The following NR6A1 variants were observed in gnomAD, a reference collection of about 807,000 sequenced individuals.
NR6A1 encodes nuclear receptor subfamily 6 group A member 1, also known as retinoic acid receptor-related testis-associated receptor.
In NR6A1, 7 loss-of-function variants were observed where a neutral mutation model predicts 59.1. The observed-to-expected ratio is 0.12, with a 90% CI of 0.07 to 0.22. The LOEUF (loss-of-function observed/expected upper bound fraction) is 0.22, where lower values mean the gene tolerates loss of function less well. Ranked by LOEUF, NR6A1 falls within the 10% of genes least tolerant of loss-of-function variation. NR6A1 has a pLI of 1.00. For missense variants in NR6A1, 468 were observed against 611.6 expected (o/e 0.77, Z 2.48); for synonymous variants, 243 against 236.1 (o/e 1.03, Z -0.27).
chr9:124,719,901 A>G (rs1839517757), intron 2 of NR6A1, among the ~76,000 whole-genome samples: 1 of 152,048 alleles, frequency 6.6e-6, no homozygotes, highest in South Asian at 2.1e-4. Flanking sequence ...AGCCTGGGTG[A>G]CAAAAGACCG....
At chr9:124,662,948 G>C (rs1426505153) in intron 2 of NR6A1, among the ~76,000 whole-genome samples, 3 of 152,128 alleles carry the variant, frequency 2.0e-5, no homozygotes, top group African/African-American at 7.2e-5. Context: ...TATCTGTTCA[G>C]GAAAACTTAA....
intron 2 of NR6A1, among the ~76,000 whole-genome samples, chr9:124,580,286 T>C (rs1050248877): frequency 2.0e-5 from 3 of 152,180 alleles, no homozygotes; most frequent in African/African-American, 7.2e-5. Context: ...TTCAAAAGAT[T>C]ACATACTCTA....
chr9:124,680,266 A>T (rs565116827), intron 2 of NR6A1, among the ~76,000 whole-genome samples: 1 of 152,220 alleles, frequency 6.6e-6, no homozygotes, highest in Non-Finnish European at 1.5e-5. Context: ...GGCATGCTGT[A>T]TAACTGCTCA....
intron 2 of NR6A1, among the ~76,000 whole-genome samples, chr9:124,626,314 C>T (rs1482448369): frequency 6.6e-6 from 1 of 152,310 alleles, no homozygotes; most frequent in East Asian, 1.9e-4. Context: ...CCATATCCTA[C>T]AGATTTTGGA....
At chr9:124,764,967 T>G (rs1840889371) in intron 1 of NR6A1, among the ~76,000 whole-genome samples, 1 of 152,184 alleles carries the variant, frequency 6.6e-6, no homozygotes, top group African/African-American at 2.4e-5. Context: ...AAGGCAAGAA[T>G]CAGTCCAGAA....
In NR6A1 at chr9:124,676,221, C is replaced by T. The variant is rs1837954696; in HGVS notation, c.142+57087G>A. ...AACAATAACTCTTTACTTCTCCTAC[C>T]CCAATAAGATAAATATATGTGATTA... On this transcript the variant is annotated intron_variant, in intron 2 of 9. Coordinates refer to ENST00000487099, the MANE Select transcript of NR6A1 (RefSeq NM_033334.4). 3.3e-5 allele frequency among the ~76,000 whole-genome samples: 5 copies of T among 152,146 alleles called. No individual in the cohort carries two copies. In the South Asian group the frequency reaches 1.0e-3, roughly 32 times the overall value.
chr9:124,771,287 C>T lies in NR6A1; in HGVS notation c.-168G>A, dbSNP rs1236581931. On this transcript the variant is annotated 5_prime_UTR_variant, in exon 1 of 10. Coordinates refer to ENST00000487099, the MANE Select transcript of NR6A1 (RefSeq NM_033334.4). ...CCCGGCTCCGCGCCGCTCCGCGCCC[C>T]TCCGCGCCGCGCCCCCTCAGCACTG... The T allele has an allele frequency of 5.1e-6, 2 of 391,624 alleles. No individual in the cohort carries two copies. The highest frequency in any genetic ancestry group is 4.5e-6 in the Non-Finnish European group (1 of 223,654). 24.3% of individuals were successfully genotyped at this position (391,624 alleles called of 1,614,324 possible). A position where few individuals can be genotyped will look rare whatever the true frequency, so the allele number is the denominator to read the frequency against.
Position 124,538,459 on chromosome 9 carries a change from T to C in NR6A1, c.597-140A>G. 14 of 630,872 alleles carry C rather than the reference T, an allele frequency of 2.2e-5. No individual in the cohort carries two copies. The South Asian group carries it at 2.8e-4, about 13-fold the overall frequency. 39.1% of individuals were successfully genotyped at this position (630,872 alleles called of 1,614,324 possible). The stretch of plus-strand genomic sequence containing the variant: ...TCAAGCCAGGGGGCATAATTAATAG[T>C]TAAATTCATGTCTCTCCTACTAGAT... On this transcript the variant is annotated intron_variant, in intron 5 of 9. Coordinates refer to ENST00000487099, the MANE Select transcript of NR6A1 (RefSeq NM_033334.4).
intron 1 of NR6A1, among the ~76,000 whole-genome samples, chr9:124,769,777 A>T (rs1046808675): frequency 2.6e-5 from 4 of 152,186 alleles, no homozygotes; most frequent in African/African-American, 9.7e-5. Flanking sequence ...TTGCCGCCGG[A>T]GCGTTTGCCG....
At chr9:124,770,690 A>C (rs1841117425) in intron 1 of NR6A1, among the ~76,000 whole-genome samples, 2 of 62,354 alleles carry the variant, frequency 3.2e-5, no homozygotes, top group Non-Finnish European at 6.1e-5. Context: ...GGGAGGAGGG[A>C]GGATTGGTGC....
intron 2 of NR6A1, among the ~76,000 whole-genome samples, chr9:124,711,357 C>T (rs1416899284): frequency 6.6e-6 from 1 of 151,982 alleles, no homozygotes; most frequent in Non-Finnish European, 1.5e-5. Context: ...TCTCACACCC[C>T]CTTAACTGAT....
intron 5 of NR6A1, 45 bp from the exon 6 acceptor site, chr9:124,538,364 G>A: frequency 6.8e-7 from 1 of 1,481,106 alleles, no homozygotes; most frequent in Non-Finnish European, 9.4e-7. Flanking sequence ...GGCAAGTCTA[G>A]TAATTACTCA....
intron 1 of NR6A1, among the ~76,000 whole-genome samples, chr9:124,761,848 T>C (rs1175089729): frequency 2.6e-5 from 4 of 152,232 alleles, no homozygotes; most frequent in Non-Finnish European, 5.9e-5. Flanking sequence ...ACTGGTTCTC[T>C]TGAAAAACTG....
At chr9:124,758,335 A>G (rs1017341842) in intron 1 of NR6A1, among the ~76,000 whole-genome samples, 3 of 152,174 alleles carry the variant, frequency 2.0e-5, no homozygotes, top group African/African-American at 7.2e-5. Flanking sequence ...CATTTAAGGA[A>G]GTTTCCCTTC....
At chr9:124,535,594 T>TA (rs1286919953) in intron 7 of NR6A1, among the ~76,000 whole-genome samples, 1 of 151,922 alleles carries the variant, frequency 6.6e-6, no homozygotes, top group East Asian at 1.9e-4. Context: ...TAAATTAATT[T>TA]AAAAAAAATT....
At chr9:124,605,815 T>C (rs539641990) in intron 2 of NR6A1, among the ~76,000 whole-genome samples, 1 of 152,354 alleles carries the variant, frequency 6.6e-6, no homozygotes, top group African/African-American at 2.4e-5. Flanking sequence ...ATTTTTGTTT[T>C]ATAAAAATTA....
chr9:124,666,133 C>T (rs1015159805), intron 2 of NR6A1, among the ~76,000 whole-genome samples: 3 of 151,918 alleles, frequency 2.0e-5, no homozygotes, highest in African/African-American at 7.3e-5. Flanking sequence ...TCTTTGTTCA[C>T]TGAATATCAA....
At chr9:124,600,494 A>G (rs72761491) in intron 2 of NR6A1, among the ~76,000 whole-genome samples, 4 of 152,292 alleles carry the variant, frequency 2.6e-5, no homozygotes, top group Non-Finnish European at 5.9e-5. Flanking sequence ...TATTCCAGAA[A>G]CCAGGTTTTA....
intron 8 of NR6A1, among the ~76,000 whole-genome samples, chr9:124,526,225 C>A (rs1005951973): frequency 6.6e-6 from 1 of 152,112 alleles, no homozygotes; most frequent in Non-Finnish European, 1.5e-5. Context: ...AGGTAAGATA[C>A]CACATAAATC....
Sources: gnomAD v4.1 joint callset for allele counts (sites outside exome capture counted in the v4.1 genomes callset) on GRCh38, gnomAD v4.1.1 for gene constraint, MANE v1.5 for transcripts, NCBI Gene and HGNC (gene_info 2026-07-23, HGNC 2026-07-21) for gene names.